Variants in RALGAPB observed in about 807,000 individuals in gnomAD.
RALGAPB encodes the protein ral GTPase-activating protein subunit beta.
In RALGAPB, 25 loss-of-function variants were observed where a neutral mutation model predicts 161.1. The observed-to-expected ratio is 0.16, with a 90% CI of 0.11 to 0.22. The LOEUF is 0.22. RALGAPB is among the 10% of genes least tolerant of loss of function. The pLI, the probability that RALGAPB is intolerant of heterozygous loss-of-function variation, is 1.00. For synonymous variants in RALGAPB, 629 were observed against 626.1 expected (o/e 1.00, Z -0.07); for missense variants, 1,391 against 1,815.2 (o/e 0.77, Z 4.25).
At chr20:38,511,765 T>C (rs905569145) in intron 6 of RALGAPB, among the ~76,000 whole-genome samples, 7 of 152,246 alleles carry the variant, frequency 4.6e-5, no homozygotes, top group Non-Finnish European at 8.8e-5. Context: ...TGATCTCTCT[T>C]TCTTTTCCCC....
chr20:38,542,658 A>G (rs1416589040), intron 18 of RALGAPB, among the ~76,000 whole-genome samples: 1 of 152,094 alleles, frequency 6.6e-6, no homozygotes, highest in Non-Finnish European at 1.5e-5. Context: ...CGGGTGGATC[A>G]CAGGGTCAAG....
At chr20:38,524,450 A>C (rs988960872) in intron 10 of RALGAPB, among the ~76,000 whole-genome samples, 3 of 151,846 alleles carry the variant, frequency 2.0e-5, no homozygotes, top group African/African-American at 7.3e-5. Context: ...TAGAACTTTG[A>C]GTTGCAAGGC....
rs1029387736 is a variant in RALGAPB at position 38,516,458 on chromosome 20, G to A, written c.1051+88G>A. The A allele has an allele frequency of 2.1e-5, 26 of 1,223,612 alleles. No individual in the cohort carries two copies. The East Asian group carries it at 4.0e-4, about 19-fold the overall frequency. The allele number at this position is 1,223,612 out of a possible 1,614,324, so 75.8% of individuals were successfully genotyped here. ...CCCTAGGAGTTATTAGAAAACATCC[G>A]AAGGAAAAGATGAACAGATTTGATG... On this transcript the variant is annotated intron_variant, in intron 7 of 29. Coordinates refer to ENST00000262879, the MANE Select transcript of RALGAPB (RefSeq NM_020336.4).
intron 5 of RALGAPB, among the ~76,000 whole-genome samples, chr20:38,500,766 T>G (rs945775889): frequency 1.3e-5 from 2 of 152,166 alleles, no homozygotes; most frequent in African/African-American, 4.8e-5. Flanking sequence ...TGAAGGAAAT[T>G]AAACATGCTA....
At position 38,576,905 on chromosome 20, in the gene RALGAPB, AC is replaced by A. The variant is rs1457325148; in HGVS notation, c.*1939del. On this transcript the variant is annotated 3_prime_UTR_variant, in exon 30 of 30. Transcript: ENST00000262879. ...GTGTGATTCTTCAGATCAAACTTTT[AC>A]TTTTGGCATAGTTAATTTCAGAAAA... 2 of 152,638 alleles carry A rather than the reference AC, an allele frequency of 1.3e-5. No homozygotes were observed. Among genetic ancestry groups the A allele is most frequent in the Non-Finnish European group, 2.9e-5 (2 of 68,038 alleles). The allele number at this position is 152,638 out of a possible 1,614,324, so 9.5% of individuals were successfully genotyped here. A position where few individuals can be genotyped will look rare whatever the true frequency, so the allele number is the denominator to read the frequency against.
intron 6 of RALGAPB, among the ~76,000 whole-genome samples, chr20:38,509,929 T>C (rs535608538): frequency 6.6e-6 from 1 of 152,316 alleles, no homozygotes; most frequent in Non-Finnish European, 1.5e-5. Flanking sequence ...TTTCTTCCCA[T>C]TTTGTAGTTA....
chr20:38,555,618 A>G (rs1406573453), intron 22 of RALGAPB, among the ~76,000 whole-genome samples: 10 of 152,326 alleles, frequency 6.6e-5, no homozygotes, highest in East Asian at 1.9e-4. Flanking sequence ...AATGCTTCCT[A>G]TGGACTTCAG....
At chr20:38,534,490 C>CATATA (rs1231980709) in intron 15 of RALGAPB, 1 of 152,418 alleles carries the variant, frequency 6.6e-6, no homozygotes, top group East Asian at 1.9e-4. Flanking sequence ...ATTGCTTTTA[C>CATATA]ATATAGATTG....
intron 16 of RALGAPB, among the ~76,000 whole-genome samples, chr20:38,536,234 C>A (rs2086800258): frequency 6.6e-6 from 1 of 152,090 alleles, no homozygotes; most frequent in South Asian, 2.1e-4. Context: ...CAATGTGTGA[C>A]CTTTTGTGTC....
intron 13 of RALGAPB, among the ~76,000 whole-genome samples, chr20:38,528,617 C>T (rs1032548362): frequency 1.3e-5 from 2 of 152,100 alleles, no homozygotes; most frequent in East Asian, 1.9e-4. Flanking sequence ...AGTCCTCCCT[C>T]CTTAGCCTCC....
Position 38,520,363 on chromosome 20 carries a change from C to T in RALGAPB, c.1418-1134C>T, listed in dbSNP as rs371575495. On this transcript the variant is annotated intron_variant, in intron 9 of 29. Transcript: ENST00000262879. Reference sequence around the variant, plus strand: ...ATTAAAAATTTGATTGTCATTGTCTCTTGTAGTTTTTGCACTTGGGAAGAA... The same window carrying T: ...ATTAAAAATTTGATTGTCATTGTCTTTTGTAGTTTTTGCACTTGGGAAGAA... 4.2e-5 allele frequency: 22 copies of T among 519,926 alleles called. No homozygotes were observed. The East Asian group carries it at 2.4e-3, about 57-fold the overall frequency. 32.2% of individuals were successfully genotyped at this position (519,926 alleles called of 1,614,324 possible).
At chr20:38,546,484 C>A in intron 19 of RALGAPB, 54 bp downstream of exon 19, 1 of 1,598,002 alleles carries the variant, frequency 6.3e-7, no homozygotes, top group East Asian at 2.2e-5. Context: ...GTTACCAGTA[C>A]CATGAAGCTG....
chr20:38,514,294 T>C (rs1401931971), intron 6 of RALGAPB, among the ~76,000 whole-genome samples: 2 of 152,202 alleles, frequency 1.3e-5, no homozygotes, highest in Non-Finnish European at 2.9e-5. Flanking sequence ...CCTGGGTCCC[T>C]TTTTCCTCCT....
At position 38,516,222 on chromosome 20, in the gene RALGAPB, T is replaced by A. The variant is rs1199031348; in HGVS notation, c.903T>A (p.Ile301=). The A allele has an allele frequency of 1.2e-6, 2 of 1,611,320 alleles. No homozygotes were observed. Among genetic ancestry groups the A allele is most frequent in the Non-Finnish European group, 1.7e-6 (2 of 1,178,318 alleles). ...SNPVDLSNPA[I]ISSTPKFQEQ... Reference sequence around the variant, plus strand: ...CTGTGGATTTGAGTAACCCAGCTATTATAAGCTCTACTCCCAAATTTCAGG... The same window carrying A: ...CTGTGGATTTGAGTAACCCAGCTATAATAAGCTCTACTCCCAAATTTCAGG... The change falls in exon 7 of 30, where the codon ATT becomes ATA. Residue 301 remains isoleucine (I), a synonymous_variant. Coordinates refer to ENST00000262879, the MANE Select transcript of RALGAPB (RefSeq NM_020336.4).
Position 38,574,819 on chromosome 20 carries a change from G to C in RALGAPB, c.4337G>C (p.Arg1446Thr). 1 of 1,614,030 alleles carries C rather than the reference G, an allele frequency of 6.2e-7. No homozygotes were observed. The highest frequency in any genetic ancestry group is 8.5e-7 in the Non-Finnish European group (1 of 1,179,906). ...QTVINICRRK[R>T]LESDSYSPPH... ...GTAATTAACATTTGTAGAAGAAAGA[G>C]ACTGGAAAGTGACTCCTACAGTCCC... The change falls in exon 30 of 30, where the codon AGA becomes ACA. Residue 1446 changes from arginine to threonine, a missense_variant. By Grantham distance (71) the Arg-to-Thr change is moderately conservative. This residue lies in a region of RALGAPB where 436 missense variants were observed against 527.0 expected (regional missense o/e 0.83). Coordinates refer to ENST00000262879, the MANE Select transcript of RALGAPB (RefSeq NM_020336.4).
In RALGAPB at chr20:38,553,897, G is replaced by A. The variant is rs2087481281; in HGVS notation, c.3193G>A (p.Gly1065Ser). The A allele has an allele frequency of 6.2e-7, 1 of 1,612,886 alleles. No individual in the cohort carries two copies. Among genetic ancestry groups the A allele is most frequent in the Admixed American group, 1.7e-5 (1 of 59,936 alleles). The change falls in exon 22 of 30, where the codon GGC becomes AGC. Residue 1065 changes from glycine (G) to serine (S), a missense_variant. This residue lies in a region of RALGAPB where 436 missense variants were observed against 527.0 expected (regional missense o/e 0.83). Transcript: ENST00000262879. ...AGAGAGACACGAAAAATTAAGGAGTGGCATGGCCCAGCAGATTGCTTATGA... is the reference window on the plus strand; with the variant it reads ...AGAGAGACACGAAAAATTAAGGAGTAGCATGGCCCAGCAGATTGCTTATGA... ...LEERHEKLRSGMAQQIAYEIH... is the reference protein window; with the variant it reads ...LEERHEKLRSSMAQQIAYEIH...
chr20:38,506,953 G>T (rs1188439707), intron 5 of RALGAPB, among the ~76,000 whole-genome samples: 1 of 152,132 alleles, frequency 6.6e-6, no homozygotes, highest in East Asian at 1.9e-4. Flanking sequence ...TATGAATCTA[G>T]CCATGAGCGG....
In RALGAPB at chr20:38,510,673, G is replaced by A. The variant is rs1446696588; in HGVS notation, c.872+1465G>A. 8.3e-5 allele frequency among the ~76,000 whole-genome samples: 10 copies of A among 120,174 alleles called. 1 individual carries two copies. Among genetic ancestry groups the A allele is most frequent in the African/African-American group, 6.6e-4 (10 of 15,114 alleles). 78.8% of individuals were successfully genotyped at this position (120,174 alleles called of 152,430 possible). A position where few individuals can be genotyped will look rare whatever the true frequency, so the allele number is the denominator to read the frequency against. Reference sequence around the variant, plus strand: ...CGCCTGTAATCCCAGCACTTTGGGAGGCCGAGGCGGGCGGATCACGAGGTC... The same window carrying A: ...CGCCTGTAATCCCAGCACTTTGGGAAGCCGAGGCGGGCGGATCACGAGGTC... On this transcript the variant is annotated intron_variant, in intron 6 of 29. Coordinates refer to ENST00000262879, the MANE Select transcript of RALGAPB (RefSeq NM_020336.4).
chr20:38,472,893 G>A lies in RALGAPB; in HGVS notation c.-207G>A, dbSNP rs1385477860. ...CAGCCGGCTGGCTCGAGTGGCCTTC[G>A]TCGTCCCTTGGCGCCCTGGGAGAGT... On this transcript the variant is annotated 5_prime_UTR_variant, in exon 1 of 30. Transcript: ENST00000262879. 2.5e-6 allele frequency: 1 copy of A among 398,962 alleles called. No homozygotes were observed. Among genetic ancestry groups the A allele is most frequent in the Non-Finnish European group, 4.4e-6 (1 of 225,998 alleles). 24.7% of individuals were successfully genotyped at this position (398,962 alleles called of 1,614,324 possible). A position where few individuals can be genotyped will look rare whatever the true frequency, so the allele number is the denominator to read the frequency against.
Sources: allele counts gnomAD v4.1 joint callset (sites outside exome capture counted in the v4.1 genomes callset), GRCh38; gene constraint gnomAD v4.1.1; regional missense constraint gnomAD v4.1.1; transcripts MANE v1.5; gene names NCBI Gene and HGNC (gene_info 2026-07-23, HGNC 2026-07-21).